Variants in HS3ST4 observed in about 807,000 individuals in gnomAD.
HS3ST4 encodes the protein heparan sulfate-glucosamine 3-sulfotransferase 4, also known as heparan sulfate glucosamine 3-O-sulfotransferase 4.
In HS3ST4, 17 loss-of-function variants were observed where a neutral mutation model predicts 29.2. That is an observed-to-expected ratio of 0.58 (90% confidence interval 0.40 to 0.87). The LOEUF (loss-of-function observed/expected upper bound fraction) is 0.87. Among genes scored for constraint, HS3ST4 ranks in the 40% least tolerant of loss-of-function variants. The pLI is 0.00. For synonymous variants in HS3ST4, 314 were observed against 285.7 expected, an observed-to-expected ratio of 1.10 and a Z score of -1.00; for missense variants, 627 against 634.5, an observed-to-expected ratio of 0.99 and a Z score of 0.13.
chr16:25,828,856 A>G (rs117302682), intron 1 of HS3ST4, among the ~76,000 whole-genome samples: 1 of 152,230 alleles, frequency 6.6e-6, no homozygotes, highest in South Asian at 2.1e-4. Context: ...TGGACAAGTG[A>G]TTAAACTTAC....
intron 1 of HS3ST4, among the ~76,000 whole-genome samples, chr16:26,030,513 C>A (rs1969522233): frequency 6.6e-6 from 1 of 152,196 alleles, no homozygotes; most frequent in African/African-American, 2.4e-5. Context: ...GCATAGTAGG[C>A]AGTCATATTT....
intron 1 of HS3ST4, among the ~76,000 whole-genome samples, chr16:25,749,977 TACAC>T (rs1487517426): frequency 1.3e-5 from 2 of 152,232 alleles, no homozygotes; most frequent in Non-Finnish European, 2.9e-5. Context: ...TTTATACCAT[TACAC>T]AACCACAATT....
chr16:26,032,866 G>T lies in HS3ST4; in HGVS notation c.735-102746G>T. On this transcript the variant is annotated intron_variant, in intron 1 of 1. Coordinates refer to ENST00000331351, the MANE Select transcript of HS3ST4 (RefSeq NM_006040.3). The stretch of plus-strand genomic sequence containing the variant: ...GGTGCTGGACGCGGGATGCAGTGGC[G>T]CGCGGGCTTTGGTCGGTCTGGGGGT... 5 of 1,542,290 alleles carry T rather than the reference G, an allele frequency of 3.2e-6. No individual in the cohort carries two copies. In the Admixed American group the frequency reaches 8.8e-5, roughly 27 times the overall value.
chr16:25,933,717 C>T (rs989017817), intron 1 of HS3ST4, among the ~76,000 whole-genome samples: 2 of 152,078 alleles, frequency 1.3e-5, no homozygotes, highest in Admixed American at 6.6e-5. Context: ...CATATGTGTC[C>T]GGTGAGGCTT....
At chr16:25,901,930 G>C (rs1398529299) in intron 1 of HS3ST4, among the ~76,000 whole-genome samples, 1 of 152,208 alleles carries the variant, frequency 6.6e-6, no homozygotes, top group Non-Finnish European at 1.5e-5. Flanking sequence ...GGAAAGTTTG[G>C]AAACACAAGT....
chr16:26,006,436 C>T (rs1319909082), intron 1 of HS3ST4, among the ~76,000 whole-genome samples: 1 of 151,102 alleles, frequency 6.6e-6, no homozygotes, highest in African/African-American at 2.4e-5. Context: ...TTCATTTTTC[C>T]TGCTGCCCAG....
intron 1 of HS3ST4, among the ~76,000 whole-genome samples, chr16:26,119,975 G>A (rs534346721): frequency 1.3e-5 from 2 of 152,110 alleles, no homozygotes; most frequent in African/African-American, 2.4e-5. Flanking sequence ...TGGGGTGGGG[G>A]ATTGCTAGAT....
intron 1 of HS3ST4, among the ~76,000 whole-genome samples, chr16:25,944,954 C>T (rs997711908): frequency 5.3e-5 from 8 of 152,192 alleles, no homozygotes; most frequent in Middle Eastern, 3.4e-3. Flanking sequence ...TTGAACAACT[C>T]GACTTTAAAA....
At chr16:25,857,962 T>TTCTTTCTTTCTTTC (rs1967597739) in intron 1 of HS3ST4, among the ~76,000 whole-genome samples, 1 of 60,920 alleles carries the variant, frequency 1.6e-5, no homozygotes, top group Non-Finnish European at 3.2e-5. Flanking sequence ...CTTTCTTTCT[T>TTCTTTCTTTCTTTC]TCTTTCTTTC....
At chr16:25,797,878 TTCA>T (rs1966897176) in intron 1 of HS3ST4, among the ~76,000 whole-genome samples, 1 of 152,218 alleles carries the variant, frequency 6.6e-6, no homozygotes. Context: ...CATTTTCTGT[TTCA>T]TCATCTTTTG....
At position 26,037,556 on chromosome 16, in the gene HS3ST4, C is replaced by T. The variant is rs1444690555; in HGVS notation, c.735-98056C>T. On this transcript the variant is annotated intron_variant, in intron 1 of 1. Coordinates refer to ENST00000331351, the MANE Select transcript of HS3ST4 (RefSeq NM_006040.3). ...ACCATAAGCTAGGAGCCAGCTCTTCCCATGCTGCCAATATTGGCAAATAAA... is the reference window on the plus strand; with the variant it reads ...ACCATAAGCTAGGAGCCAGCTCTTCTCATGCTGCCAATATTGGCAAATAAA... 2.0e-5 allele frequency among the ~76,000 whole-genome samples: 3 copies of T among 152,302 alleles called. No individual in the cohort carries two copies. The East Asian group carries it at 5.8e-4, about 29-fold the overall frequency.
At chr16:25,846,010 G>A (rs1486176406) in intron 1 of HS3ST4, among the ~76,000 whole-genome samples, 1 of 152,172 alleles carries the variant, frequency 6.6e-6, no homozygotes, top group Non-Finnish European at 1.5e-5. Flanking sequence ...TGGATTAACA[G>A]TGACTTAAAC....
chr16:25,987,378 A>T (rs928086359), intron 1 of HS3ST4, among the ~76,000 whole-genome samples: 10 of 152,116 alleles, frequency 6.6e-5, no homozygotes, highest in African/African-American at 2.4e-4. Context: ...ACTTCTAATA[A>T]TTTTTACTAT....
In HS3ST4 at chr16:25,862,810, A is replaced by C. The variant is rs113851802; in HGVS notation, c.734+169659A>C. 1.8e-3 allele frequency among the ~76,000 whole-genome samples: 269 copies of C among 152,354 alleles called. 1 individual carries two copies. Among genetic ancestry groups the C allele is most frequent in the Non-Finnish European group, 3.1e-3 (208 of 68,030 alleles). On this transcript the variant is annotated intron_variant, in intron 1 of 1. Transcript: ENST00000331351. ...TCTCTTACAGAAGTGAAAATGTCGC[A>C]TCATTGGTTATTTGTATCTTGAACT...
intron 1 of HS3ST4, among the ~76,000 whole-genome samples, 178 bp from the exon 2 acceptor site, chr16:26,135,434 A>G (rs1898269722): frequency 6.6e-6 from 1 of 152,228 alleles, no homozygotes; most frequent in Non-Finnish European, 1.5e-5. Flanking sequence ...TTTTCTGATA[A>G]TACGTAGCCA....
intron 1 of HS3ST4, among the ~76,000 whole-genome samples, chr16:26,073,110 T>G (rs1284605614): frequency 6.6e-6 from 1 of 152,200 alleles, no homozygotes; most frequent in East Asian, 1.9e-4. Flanking sequence ...TTACTATTTT[T>G]CAGTTTCTTT....
intron 1 of HS3ST4, among the ~76,000 whole-genome samples, chr16:26,089,620 T>G (rs11074749): frequency 0.53 from 81,250 of 152,048 alleles, 22,519 homozygotes; most frequent in African/African-American, 0.67. Flanking sequence ...TGGTCTTATT[T>G]AATCCCACAG....
intron 1 of HS3ST4, among the ~76,000 whole-genome samples, chr16:25,731,123 T>A (rs902625488): frequency 6.6e-6 from 1 of 152,080 alleles, no homozygotes; most frequent in African/African-American, 2.4e-5. Context: ...TGAGGCTTGG[T>A]GTCCCGAAAT....
At chr16:25,721,740 G>A (rs891036655) in intron 1 of HS3ST4, among the ~76,000 whole-genome samples, 1 of 152,204 alleles carries the variant, frequency 6.6e-6, no homozygotes, top group African/African-American at 2.4e-5. Flanking sequence ...CAGTGCAAGA[G>A]GAGAATGAAA....
Sources: gnomAD v4.1 joint callset for allele counts (sites outside exome capture counted in the v4.1 genomes callset) on GRCh38, gnomAD v4.1.1 for gene constraint, MANE v1.5 for transcripts, NCBI Gene and HGNC (gene_info 2026-07-23, HGNC 2026-07-21) for gene names.